The following MAPRE3 variants were observed in gnomAD, a reference collection of about 807,000 sequenced individuals.
The protein encoded by MAPRE3 is microtubule associated protein RP/EB family member 3, also known as microtubule-associated protein RP/EB family member 3.
Under a neutral mutation model 30.5 loss-of-function variants are expected in MAPRE3, and 2 were observed. The observed-to-expected ratio is 0.07, with a 90% CI of 0.03 to 0.21. MAPRE3 has a LOEUF of 0.21. MAPRE3 is among the 10% of genes least tolerant of loss of function. The pLI is 1.00. For synonymous variants in MAPRE3, 110 were observed against 127.7 expected, an observed-to-expected ratio of 0.86 and a Z score of 0.93; for missense variants, 204 against 351.8, an observed-to-expected ratio of 0.58 and a Z score of 3.36.
intron 1 of MAPRE3, among the ~76,000 whole-genome samples, chr2:26,990,415 G>A (rs1217451746): frequency 6.6e-6 from 1 of 152,090 alleles, no homozygotes; most frequent in East Asian, 1.9e-4. Flanking sequence ...TTCAAAACTA[G>A]GTTACACATC....
At chr2:26,981,052 G>T (rs1216607589) in intron 1 of MAPRE3, among the ~76,000 whole-genome samples, 1 of 152,060 alleles carries the variant, frequency 6.6e-6, no homozygotes, top group South Asian at 2.1e-4. Flanking sequence ...TAGAGCCAAG[G>T]CCACTTGCTG....
intron 1 of MAPRE3, among the ~76,000 whole-genome samples, chr2:26,974,292 C>G (rs1665972914): frequency 1.3e-5 from 2 of 152,176 alleles, no homozygotes; most frequent in Non-Finnish European, 2.9e-5. Flanking sequence ...TGCTGCACAG[C>G]CAGGCAAAAT....
At chr2:26,984,171 G>C (rs187098859) in intron 1 of MAPRE3, among the ~76,000 whole-genome samples, 22 of 152,276 alleles carry the variant, frequency 1.4e-4, no homozygotes, top group Non-Finnish European at 2.6e-4. Context: ...AGAGAAACTT[G>C]TAAGAGTGTT....
intron 1 of MAPRE3, among the ~76,000 whole-genome samples, chr2:26,980,329 A>G (rs1666087319): frequency 6.6e-6 from 1 of 152,248 alleles, no homozygotes; most frequent in Non-Finnish European, 1.5e-5. Flanking sequence ...AGGGAGGGAA[A>G]GAAAGTAGTA....
intron 1 of MAPRE3, among the ~76,000 whole-genome samples, chr2:26,995,063 T>A (rs1222994304): frequency 2.0e-5 from 3 of 152,136 alleles, no homozygotes; most frequent in Non-Finnish European, 4.4e-5. Flanking sequence ...TGGCAGACAT[T>A]TTTTGTAAGG....
At chr2:27,016,383 T>G (rs1176983736) in intron 1 of MAPRE3, among the ~76,000 whole-genome samples, 2 of 123,254 alleles carry the variant, frequency 1.6e-5, no homozygotes, top group Non-Finnish European at 3.9e-5. Flanking sequence ...GGTTATGTCT[T>G]TTTTTTTTTT....
chr2:27,004,728 T>TAAA (rs563188243), intron 1 of MAPRE3, among the ~76,000 whole-genome samples: 9 of 120,438 alleles, frequency 7.5e-5, no homozygotes, highest in African/African-American at 2.5e-4. Context: ...AAGGATCTAG[T>TAAA]AAAAAAAAAA....
At chr2:26,990,018 A>C (rs1004040110) in intron 1 of MAPRE3, among the ~76,000 whole-genome samples, 14 of 152,178 alleles carry the variant, frequency 9.2e-5, no homozygotes, top group Non-Finnish European at 1.9e-4. Context: ...GTCTCTACAA[A>C]AAATCTTAAA....
intron 1 of MAPRE3, among the ~76,000 whole-genome samples, chr2:27,000,152 T>C (rs1408643976): frequency 6.6e-6 from 1 of 152,240 alleles, no homozygotes; most frequent in Non-Finnish European, 1.5e-5. Context: ...TACAAATAAA[T>C]GTACGGGTTT....
At chr2:26,992,524 C>A (rs1666368518) in intron 1 of MAPRE3, among the ~76,000 whole-genome samples, 2 of 145,622 alleles carry the variant, frequency 1.4e-5, no homozygotes, top group South Asian at 2.4e-4. Context: ...TGCACCCGGC[C>A]CAGATAATTT....
chr2:27,023,257 G>C (rs777906941), intron 2 of MAPRE3, 75 bp from the exon 3 acceptor site: 18 of 1,503,518 alleles, frequency 1.2e-5, no homozygotes, highest in Non-Finnish European at 1.5e-5. Flanking sequence ...AGGAGACGGG[G>C]TTTGGGGAAG....
chr2:26,976,295 G>A (rs1326537446), intron 1 of MAPRE3, among the ~76,000 whole-genome samples: 1 of 152,214 alleles, frequency 6.6e-6, no homozygotes, highest in Non-Finnish European at 1.5e-5. Flanking sequence ...TTGGCCAGCT[G>A]TATTTTCTAG....
intron 1 of MAPRE3, among the ~76,000 whole-genome samples, chr2:27,016,616 C>G (rs1019816909): frequency 1.3e-5 from 2 of 152,062 alleles, no homozygotes; most frequent in African/African-American, 4.8e-5. Context: ...GATCTCCTGA[C>G]CTCATGATCC....
chr2:26,983,352 C>T (rs1666155397), intron 1 of MAPRE3, among the ~76,000 whole-genome samples: 1 of 152,180 alleles, frequency 6.6e-6, no homozygotes, highest in Non-Finnish European at 1.5e-5. Flanking sequence ...AGCAACTCTC[C>T]CCAAGTACTG....
chr2:26,977,145 T>TA (rs2148196023), intron 1 of MAPRE3, among the ~76,000 whole-genome samples: 1 of 152,302 alleles, frequency 6.6e-6, no homozygotes, highest in Admixed American at 6.5e-5. Context: ...ATGAAAAAGA[T>TA]ACTAGAAGAG....
chr2:27,009,418 CTT>C (rs1666801070), intron 1 of MAPRE3, among the ~76,000 whole-genome samples: 1 of 152,200 alleles, frequency 6.6e-6, no homozygotes, highest in African/African-American at 2.4e-5. Flanking sequence ...TTGGGAATCT[CTT>C]CAGCTTTTAC....
intron 1 of MAPRE3, among the ~76,000 whole-genome samples, chr2:27,021,834 C>T (rs79191701): frequency 2.0e-5 from 3 of 152,324 alleles, no homozygotes; most frequent in African/African-American, 4.8e-5. Flanking sequence ...CAGGCTCCAA[C>T]ATCTCTGCTC....
At chr2:27,019,355 G>A (rs565694448) in intron 1 of MAPRE3, among the ~76,000 whole-genome samples, 14 of 150,514 alleles carry the variant, frequency 9.3e-5, no homozygotes, top group South Asian at 6.4e-4. Context: ...GGAGGATGGC[G>A]GGGGGATGGT....
At chr2:27,016,620 A>C (rs1351148167) in intron 1 of MAPRE3, among the ~76,000 whole-genome samples, 1 of 151,992 alleles carries the variant, frequency 6.6e-6, no homozygotes, top group Non-Finnish European at 1.5e-5. Flanking sequence ...TCCTGACCTC[A>C]TGATCCGCCC....
Sources: gnomAD v4.1 joint callset for allele counts (sites outside exome capture counted in the v4.1 genomes callset) on GRCh38, gnomAD v4.1.1 for gene constraint, MANE v1.5 for transcripts, NCBI Gene and HGNC (gene_info 2026-07-23, HGNC 2026-07-21) for gene names.